FAAH2: variants seen among roughly 807,000 people sequenced by gnomAD.
The protein encoded by FAAH2 is fatty-acid amide hydrolase 2.
Under a neutral mutation model 36.9 loss-of-function variants are expected in FAAH2, and 60 were observed. The ratio of observed to expected loss-of-function variants is 1.63; its 90% CI spans 1.32 to 2.02. The LOEUF (loss-of-function observed/expected upper bound fraction) is 2.02, where lower values mean the gene tolerates loss of function less well. Ranked by LOEUF, FAAH2 falls within the 30% of genes most tolerant of loss-of-function variation. The pLI is 0.00. For missense variants in FAAH2, 689 were observed against 397.5 expected (o/e 1.73, Z -6.23); for synonymous variants, 214 against 143.8 (o/e 1.49, Z -3.49).
At chrX:57,256,739 A>G in the FAAH2 span, among the ~76,000 whole-genome samples, 1 of 112,282 alleles carries the variant, frequency 8.9e-6, no homozygotes, top group Non-Finnish European at 1.9e-5. Context: ...AAAAGAAACT[A>G]TCATCAGAGT....
the FAAH2 span, among the ~76,000 whole-genome samples, chrX:57,159,869 C>T: frequency 9.0e-6 from 1 of 111,547 alleles, no homozygotes; most frequent in Non-Finnish European, 1.9e-5. Flanking sequence ...GAACTTCCAA[C>T]ACTAGTTGAA....
chrX:57,249,223 C>G, the FAAH2 span, among the ~76,000 whole-genome samples: 1 of 111,647 alleles, frequency 9.0e-6, no homozygotes, highest in African/African-American at 3.3e-5. Context: ...GCAACCAGAA[C>G]AGTCAGTTTC....
At chrX:57,438,608 A>C (rs1014963641) in intron 8 of FAAH2, among the ~76,000 whole-genome samples, 2 of 109,826 alleles carry the variant, frequency 1.8e-5, no homozygotes, top group Non-Finnish European at 3.8e-5. Context: ...TTTTATTTCT[A>C]TTATTGTTAT....
chrX:57,243,156 G>A, the FAAH2 span, among the ~76,000 whole-genome samples: 2 of 111,874 alleles, frequency 1.8e-5, no homozygotes, highest in African/African-American at 6.5e-5. Flanking sequence ...ACTGGGTGAA[G>A]CCCACCACAG....
intron 8 of FAAH2, among the ~76,000 whole-genome samples, chrX:57,441,150 C>G (rs1177979230): frequency 1.8e-5 from 2 of 111,633 alleles, no homozygotes; most frequent in Non-Finnish European, 3.8e-5. Context: ...CCCTCTTTTT[C>G]TATTGATTGG....
intron 4 of FAAH2, among the ~76,000 whole-genome samples, chrX:57,333,085 C>T (rs981785354): frequency 8.9e-6 from 1 of 111,832 alleles, no homozygotes; most frequent in African/African-American, 3.3e-5. Flanking sequence ...TGTCTCCACA[C>T]ACCTTATCAC....
At chrX:57,200,626 C>T in the FAAH2 span, among the ~76,000 whole-genome samples, 5,465 of 111,360 alleles carry the variant, frequency 0.049, 144 homozygotes, top group Non-Finnish European at 0.07. Context: ...ATCCACCCAC[C>T]TTGGCCTCCC....
chrX:57,458,766 G>A (rs983699913), intron 10 of FAAH2, among the ~76,000 whole-genome samples: 1 of 112,007 alleles, frequency 8.9e-6, no homozygotes, highest in African/African-American at 3.2e-5. Context: ...GGGAAGCCCT[G>A]AGAGACTGGG....
At chrX:57,169,361 G>A in the FAAH2 span, among the ~76,000 whole-genome samples, 1 of 99,797 alleles carries the variant, frequency 1.0e-5, no homozygotes, top group Non-Finnish European at 2.0e-5. Flanking sequence ...ATTGCCCTAT[G>A]ATTCACCTAT....
the FAAH2 span, among the ~76,000 whole-genome samples, chrX:57,269,339 A>G: frequency 1.8e-5 from 2 of 111,578 alleles, no homozygotes; most frequent in East Asian, 2.8e-4. Flanking sequence ...TAACAAATAT[A>G]TTAATGACCT....
At chrX:57,381,870 A>G (rs963402077) in intron 7 of FAAH2, among the ~76,000 whole-genome samples, 3 of 111,903 alleles carry the variant, frequency 2.7e-5, no homozygotes, top group Non-Finnish European at 5.6e-5. Flanking sequence ...AACAGAATGT[A>G]CATTCTTCTC....
intron 7 of FAAH2, among the ~76,000 whole-genome samples, chrX:57,400,966 C>A (rs1317269019): frequency 9.1e-6 from 1 of 110,257 alleles, no homozygotes; most frequent in Non-Finnish European, 1.9e-5. Flanking sequence ...ACCAAAAATA[C>A]AAAAAAATTA....
intron 4 of FAAH2, among the ~76,000 whole-genome samples, chrX:57,332,035 G>A (rs1341501891): frequency 1.8e-5 from 2 of 111,607 alleles, no homozygotes; most frequent in African/African-American, 3.3e-5. Flanking sequence ...AGGGAATTGA[G>A]AATGAACTAC....
At chrX:57,306,799 C>T (rs1342154031) in intron 2 of FAAH2, among the ~76,000 whole-genome samples, 1 of 92,435 alleles carries the variant, frequency 1.1e-5, no homozygotes, top group African/African-American at 3.8e-5. Context: ...TATATATACA[C>T]TTTATATACA....
chrX:57,284,513 T>C (rs1217546147), upstream of FAAH2, among the ~76,000 whole-genome samples: 3 of 112,374 alleles, frequency 2.7e-5, no homozygotes, highest in African/African-American at 6.5e-5. Context: ...ATAAGTGTAA[T>C]AAGTCCATCA....
At chrX:57,428,358 A>G (rs2056212094) in intron 7 of FAAH2, among the ~76,000 whole-genome samples, 1 of 98,188 alleles carries the variant, frequency 1.0e-5, no homozygotes, top group East Asian at 3.4e-4. Context: ...TCATCAAAAT[A>G]CCAATGTAAT....
intron 7 of FAAH2, among the ~76,000 whole-genome samples, chrX:57,389,883 C>T (rs1048427408): frequency 2.7e-5 from 3 of 110,205 alleles, no homozygotes; most frequent in African/African-American, 9.9e-5. Flanking sequence ...AATAGCTATG[C>T]TATTGGGTGG....
the FAAH2 span, among the ~76,000 whole-genome samples, chrX:57,190,406 A>T: frequency 2.0e-5 from 2 of 100,054 alleles, no homozygotes; most frequent in African/African-American, 7.3e-5. Context: ...GGCAGCAAAC[A>T]GTTTTGTCTC....
At chrX:57,260,148 C>A in the FAAH2 span, among the ~76,000 whole-genome samples, 47 of 111,165 alleles carry the variant, frequency 4.2e-4, no homozygotes, top group African/African-American at 1.4e-3. Flanking sequence ...AAGAAGAAAA[C>A]GCAGTTGAAA....
Sources: gnomAD v4.1 joint callset for allele counts (sites outside exome capture counted in the v4.1 genomes callset) on GRCh38, gnomAD v4.1.1 for gene constraint, MANE v1.5 for transcripts, NCBI Gene and HGNC (gene_info 2026-07-23, HGNC 2026-07-21) for gene names.